AKAP19: variants seen among roughly 807,000 people sequenced by gnomAD.
AKAP19 encodes the protein small A-kinase anchoring protein.
the AKAP19 span, among the ~76,000 whole-genome samples, chr2:190,193,417 G>A: frequency 6.6e-6 from 1 of 152,046 alleles, no homozygotes; most frequent in Non-Finnish European, 1.5e-5. Flanking sequence ...GCCTCATATA[G>A]AATAATTCGG....
chr2:190,182,089 C>T, the AKAP19 span, among the ~76,000 whole-genome samples: 2 of 152,218 alleles, frequency 1.3e-5, no homozygotes, highest in Non-Finnish European at 2.9e-5. Context: ...AACCTCCAAT[C>T]CATTTTATTA....
the AKAP19 span, among the ~76,000 whole-genome samples, chr2:189,973,380 G>T: frequency 4.6e-5 from 7 of 152,120 alleles, no homozygotes; most frequent in Non-Finnish European, 5.9e-5. Flanking sequence ...GCTGGATTCG[G>T]TTTGCCAGTA....
chr2:190,030,660 T>C, the AKAP19 span, among the ~76,000 whole-genome samples: 1 of 152,232 alleles, frequency 6.6e-6, no homozygotes, highest in Non-Finnish European at 1.5e-5. Context: ...CAAATTTCTC[T>C]TGTAGATGTG....
the AKAP19 span, among the ~76,000 whole-genome samples, chr2:190,008,765 CA>C: frequency 3.7e-5 from 4 of 109,560 alleles, no homozygotes; most frequent in South Asian, 3.8e-4. Flanking sequence ...CACACACACA[CA>C]CACACCCACC....
chr2:190,102,409 T>C, the AKAP19 span, among the ~76,000 whole-genome samples: 1 of 152,058 alleles, frequency 6.6e-6, no homozygotes, highest in Non-Finnish European at 1.5e-5. Flanking sequence ...AAGTTGATCC[T>C]TTGAAAGGAT....
At chr2:190,193,271 T>G in the AKAP19 span, among the ~76,000 whole-genome samples, 1 of 152,142 alleles carries the variant, frequency 6.6e-6, no homozygotes, top group Non-Finnish European at 1.5e-5. Context: ...CTTTGGAATA[T>G]CCTTGAATTT....
chr2:189,924,012 G>T, the AKAP19 span: 4 of 1,577,066 alleles, frequency 2.5e-6, no homozygotes, highest in Non-Finnish European at 3.5e-6. Flanking sequence ...GAGCAGAGCA[G>T]CAGCTCCGTG....
At chr2:190,174,932 C>T in the AKAP19 span, among the ~76,000 whole-genome samples, 125,395 of 152,122 alleles carry the variant, frequency 0.82, 53,195 homozygotes, top group Middle Eastern at 0.95. Flanking sequence ...AGAATCATGC[C>T]CAACTCCACA....
chr2:190,112,269 G>A, the AKAP19 span, among the ~76,000 whole-genome samples: 2 of 152,042 alleles, frequency 1.3e-5, no homozygotes, highest in East Asian at 3.8e-4. Context: ...GATTTATGTA[G>A]GGAGACTTGT....
chr2:190,079,503 A>C, the AKAP19 span: 5 of 152,162 alleles, frequency 3.3e-5, no homozygotes, highest in Admixed American at 3.3e-4. Context: ...TTCTCTCCCC[A>C]TTTTATATTT....
chr2:190,115,562 G>A, the AKAP19 span, among the ~76,000 whole-genome samples: 11 of 149,502 alleles, frequency 7.4e-5, no homozygotes, highest in African/African-American at 1.2e-4. Flanking sequence ...CTCGTGATCC[G>A]CCCGCCTCGG....
the AKAP19 span, among the ~76,000 whole-genome samples, chr2:190,090,605 C>T: frequency 1.3e-5 from 2 of 152,192 alleles, no homozygotes; most frequent in Admixed American, 1.3e-4. Context: ...ACCAAGTTAG[C>T]TGCCATAGCT....
the AKAP19 span, among the ~76,000 whole-genome samples, chr2:189,937,906 C>G: frequency 6.6e-6 from 1 of 152,198 alleles, no homozygotes; most frequent in Non-Finnish European, 1.5e-5. Context: ...TTCCACTGCT[C>G]TCTGTATACC....
At chr2:190,008,342 A>T in the AKAP19 span, among the ~76,000 whole-genome samples, 1 of 152,182 alleles carries the variant, frequency 6.6e-6, no homozygotes, top group African/African-American at 2.4e-5. Flanking sequence ...CCTTTTAAAA[A>T]ATAAAAGGAC....
the AKAP19 span, among the ~76,000 whole-genome samples, chr2:189,982,946 GTTTT>G: frequency 1.3e-5 from 2 of 152,076 alleles, no homozygotes; most frequent in African/African-American, 4.8e-5. Flanking sequence ...CTGATAGCAG[GTTTT>G]TTGTTTAGTG....
the AKAP19 span, among the ~76,000 whole-genome samples, chr2:190,117,790 G>A: frequency 6.6e-6 from 1 of 152,212 alleles, no homozygotes; most frequent in Non-Finnish European, 1.5e-5. Flanking sequence ...TGTATGGCTT[G>A]TAGAATCTGA....
the AKAP19 span, among the ~76,000 whole-genome samples, chr2:190,090,243 G>A: frequency 3.3e-5 from 5 of 152,292 alleles, no homozygotes; most frequent in Admixed American, 1.3e-4. Flanking sequence ...AGCAAGCGAA[G>A]AAAGCCTTCT....
the AKAP19 span, among the ~76,000 whole-genome samples, chr2:189,884,644 T>C: frequency 3.9e-4 from 59 of 152,334 alleles, no homozygotes; most frequent in Admixed American, 1.4e-3. Context: ...AAATGTCCAA[T>C]CCTCTGCCCC....
the AKAP19 span, among the ~76,000 whole-genome samples, chr2:189,967,115 G>C: frequency 6.6e-6 from 1 of 152,104 alleles, no homozygotes; most frequent in African/African-American, 2.4e-5. Flanking sequence ...AATGCTTTCA[G>C]CTGGGACCTT....
Sources: gnomAD v4.1 joint callset for allele counts (sites outside exome capture counted in the v4.1 genomes callset) on GRCh38, gnomAD v4.1.1 for gene constraint, MANE v1.5 for transcripts, NCBI Gene and HGNC (gene_info 2026-07-23, HGNC 2026-07-21) for gene names.